ATP6V1E1: variants seen among roughly 807,000 people sequenced by gnomAD.
The protein encoded by ATP6V1E1 is ATPase H+ transporting V1 subunit E1, also known as V-type proton ATPase subunit E 1.
In ATP6V1E1, 21 loss-of-function variants were observed where a neutral mutation model predicts 35.2. The observed-to-expected ratio is 0.60, with a 90% CI of 0.42 to 0.86. ATP6V1E1 has a LOEUF of 0.86. Ranked by LOEUF, ATP6V1E1 falls within the 40% of genes least tolerant of loss-of-function variation. The pLI, the probability that ATP6V1E1 is intolerant of heterozygous loss-of-function variation, is 0.00. For synonymous variants in ATP6V1E1, 83 were observed against 87.8 expected (o/e 0.95, Z 0.30); for missense variants, 183 against 272.6 (o/e 0.67, Z 2.32).
At chr22:17,622,464 C>A (rs1161487736) in intron 1 of ATP6V1E1, among the ~76,000 whole-genome samples, 1 of 152,086 alleles carries the variant, frequency 6.6e-6, no homozygotes, top group Non-Finnish European at 1.5e-5. Context: ...CTTAAGTATA[C>A]ATAGGTGTAC....
At chr22:17,628,176 G>T (rs2057931616) in intron 1 of ATP6V1E1, among the ~76,000 whole-genome samples, 1 of 151,978 alleles carries the variant, frequency 6.6e-6, no homozygotes. Flanking sequence ...ATTTTGGCCA[G>T]GCTAGTCTCG....
intron 1 of ATP6V1E1, among the ~76,000 whole-genome samples, chr22:17,625,054 A>C (rs571339130): frequency 2.0e-4 from 31 of 152,282 alleles, no homozygotes; most frequent in African/African-American, 6.7e-4. Context: ...TGAACAGAAG[A>C]AGCAGTGAAA....
At chr22:17,614,089 G>A (rs986839134) in intron 2 of ATP6V1E1, among the ~76,000 whole-genome samples, 10 of 152,092 alleles carry the variant, frequency 6.6e-5, no homozygotes, top group African/African-American at 1.2e-4. Context: ...AGTGGCTCAC[G>A]CCTGTAATCC....
chr22:17,597,973 G>A (rs1306550219), intron 7 of ATP6V1E1: 3 of 516,316 alleles, frequency 5.8e-6, no homozygotes, highest in Non-Finnish European at 6.9e-6. Flanking sequence ...CACCGCACCT[G>A]GCCAAACTAG....
Position 17,628,677 on chromosome 22 carries a change from T to A in ATP6V1E1, c.-42A>T. 1.2e-6 allele frequency: 2 copies of A among 1,613,810 alleles called. No individual in the cohort carries two copies. The highest frequency in any genetic ancestry group is 1.7e-6 in the Non-Finnish European group (2 of 1,179,814). On this transcript the variant is annotated 5_prime_UTR_variant, in exon 1 of 9. Transcript: ENST00000253413. ...GGCCGGTGAACAGTAGGCTCGAGTT[T>A]AGGTTTGAAAGGTGAGGTGAGAGAA... is the stretch of plus-strand genomic sequence containing the variant.
chr22:17,613,783 C>T (rs1309672807), intron 2 of ATP6V1E1, among the ~76,000 whole-genome samples: 3 of 151,998 alleles, frequency 2.0e-5, no homozygotes, highest in Middle Eastern at 3.4e-3. Flanking sequence ...CTGGCTAACA[C>T]GGTGAAACCC....
chr22:17,606,336 T>C (rs530184950), intron 4 of ATP6V1E1, among the ~76,000 whole-genome samples: 30 of 151,942 alleles, frequency 2.0e-4, no homozygotes, highest in South Asian at 8.3e-4. Context: ...AGTTTAGAAA[T>C]AGCAAAATCC....
chr22:17,618,574 C>T (rs1351248609), intron 2 of ATP6V1E1, among the ~76,000 whole-genome samples: 4 of 147,414 alleles, frequency 2.7e-5, no homozygotes, highest in East Asian at 2.1e-4. Context: ...CCCAGCTACT[C>T]GGGAGGCTCA....
chr22:17,626,600 C>T (rs1307739346), intron 1 of ATP6V1E1, among the ~76,000 whole-genome samples: 2 of 150,056 alleles, frequency 1.3e-5, no homozygotes, highest in Non-Finnish European at 3.0e-5. Flanking sequence ...GGTGTGATCT[C>T]GCCTCACCAT....
intron 8 of ATP6V1E1, 91 bp from the exon 9 acceptor site, chr22:17,592,827 G>A (rs1447902642): frequency 8.5e-7 from 1 of 1,170,302 alleles, no homozygotes; most frequent in Non-Finnish European, 1.2e-6. Flanking sequence ...TTTTGAGACG[G>A]AGTCTCGCTC....
intron 1 of ATP6V1E1, among the ~76,000 whole-genome samples, chr22:17,627,139 C>A (rs2057913222): frequency 6.6e-6 from 1 of 151,406 alleles, no homozygotes; most frequent in African/African-American, 2.4e-5. Context: ...ACAGGCGCAC[C>A]CCACTAGGCC....
intron 1 of ATP6V1E1, among the ~76,000 whole-genome samples, chr22:17,626,242 A>T (rs182790908): frequency 7.2e-6 from 1 of 139,156 alleles, no homozygotes; most frequent in Admixed American, 7.8e-5. Flanking sequence ...CAGGAGGTGG[A>T]GCTTGCAGTG....
chr22:17,592,479 G>A lies in ATP6V1E1; in HGVS notation c.*195C>T, dbSNP rs1601365245. The A allele has an allele frequency of 1.6e-6, 1 of 616,846 alleles. No homozygotes were observed. Among genetic ancestry groups the A allele is most frequent in the Non-Finnish European group, 2.8e-6 (1 of 353,116 alleles). The allele number at this position is 616,846 out of a possible 1,614,324, so 38.2% of individuals were successfully genotyped here. A position where few individuals can be genotyped will look rare whatever the true frequency, so the allele number is the denominator to read the frequency against. Reference sequence around the variant, plus strand: ...TTCAGAAGAACTGGAGGTGGGTCCTGATCATATTACATGAAGCTTTCCACC... The same window carrying A: ...TTCAGAAGAACTGGAGGTGGGTCCTAATCATATTACATGAAGCTTTCCACC... On this transcript the variant is annotated 3_prime_UTR_variant, in exon 9 of 9. Transcript: ENST00000253413.
At chr22:17,623,656 C>CA (rs11410655) in intron 1 of ATP6V1E1, among the ~76,000 whole-genome samples, 23,999 of 111,576 alleles carry the variant, frequency 0.22, 2,864 homozygotes, top group African/African-American at 0.4. Flanking sequence ...GACTCTGTCT[C>CA]AAAAAAAAAA....
chr22:17,599,501 G>A (rs557009649), intron 6 of ATP6V1E1, among the ~76,000 whole-genome samples: 24 of 149,468 alleles, frequency 1.6e-4, no homozygotes, highest in South Asian at 4.2e-4. Flanking sequence ...GCTTGAACCC[G>A]GGGGGGCAGA....
chr22:17,612,690 T>G, intron 4 of ATP6V1E1, 122 bp downstream of exon 4: 1 of 833,062 alleles, frequency 1.2e-6, no homozygotes. Context: ...TTATAATAAT[T>G]GGAATGTTTT....
intron 8 of ATP6V1E1, among the ~76,000 whole-genome samples, chr22:17,593,282 AAAC>A (rs201535734): frequency 0.041 from 6,239 of 151,994 alleles, 445 homozygotes; most frequent in African/African-American, 0.14. Context: ...AAAAAAAACA[AAAC>A]AAAAAAAAAC....
In ATP6V1E1 at chr22:17,597,832, T is replaced by C. The variant is rs1004241418; in HGVS notation, c.530+362A>G. ...TTTTAGTAGAGACAGGACTGGACTA[T>C]GAGCAGAGGGTGGACTGGTATGATA... On this transcript the variant is annotated intron_variant, in intron 7 of 8. Transcript: ENST00000253413. Among the ~76,000 whole-genome samples the C allele has an allele frequency of 5.9e-4, 90 of 152,136 alleles. 2 individuals carry two copies. Among genetic ancestry groups the C allele is most frequent in the African/African-American group, 2.0e-3 (81 of 41,424 alleles).
rs1038916041 is a variant in ATP6V1E1, at chr22:17,628,723, C to T, written c.-88G>A. 2 of 1,564,334 alleles carry T rather than the reference C, an allele frequency of 1.3e-6. No homozygotes were observed. The highest frequency in any genetic ancestry group is 8.8e-7 in the Non-Finnish European group (1 of 1,135,708). On this transcript the variant is annotated 5_prime_UTR_variant, in exon 1 of 9. Coordinates refer to ENST00000253413, the MANE Select transcript of ATP6V1E1 (RefSeq NM_001696.4). ...GAGAAATCGGCAAAGGGAACCCCTG[C>T]GCAGATCTCGGGTTCCTTTACTTTA...
Sources: allele counts gnomAD v4.1 joint callset (sites outside exome capture counted in the v4.1 genomes callset), GRCh38; gene constraint gnomAD v4.1.1; transcripts MANE v1.5; gene names NCBI Gene and HGNC (gene_info 2026-07-23, HGNC 2026-07-21).